The following SKI variants were observed in gnomAD, a reference collection of about 807,000 sequenced individuals.
The protein encoded by SKI is SKI proto-oncogene, also known as ski oncogene.
In SKI, 23 loss-of-function variants were observed where a neutral mutation model predicts 59.3. The ratio of observed to expected loss-of-function variants is 0.39; its 90% CI spans 0.28 to 0.55. The LOEUF (loss-of-function observed/expected upper bound fraction) is 0.55. Among genes scored for constraint, SKI ranks in the 20% least tolerant of loss-of-function variants. The pLI, the probability that SKI is intolerant of heterozygous loss-of-function variation, is 0.67. For missense variants in SKI, 1,017 were observed against 1,038.9 expected (o/e 0.98, Z 0.29); for synonymous variants, 673 against 488.6 (o/e 1.38, Z -4.98).
chr1:2,289,405 T>G (rs1417634580), intron 1 of SKI, among the ~76,000 whole-genome samples: 1 of 151,714 alleles, frequency 6.6e-6, no homozygotes, highest in East Asian at 1.9e-4. Context: ...GTGGCCACTT[T>G]GTGAGGCCCC....
chr1:2,251,856 C>G (rs1369153331), intron 1 of SKI, among the ~76,000 whole-genome samples: 1 of 152,238 alleles, frequency 6.6e-6, no homozygotes, highest in Non-Finnish European at 1.5e-5. Flanking sequence ...CCTGCAGCTT[C>G]TCCCCTTCTT....
At chr1:2,281,025 T>C (rs1392739656) in intron 1 of SKI, among the ~76,000 whole-genome samples, 1 of 39,344 alleles carries the variant, frequency 2.5e-5, no homozygotes, top group African/African-American at 1.0e-4. Flanking sequence ...GCGGCGGCGA[T>C]CTTCAGAGAG....
intron 1 of SKI, among the ~76,000 whole-genome samples, chr1:2,245,516 A>G (rs1638972969): frequency 6.6e-6 from 1 of 152,192 alleles, no homozygotes; most frequent in Admixed American, 6.5e-5. Flanking sequence ...TCTGTTGCCC[A>G]GGCTGGAGTG....
In SKI at chr1:2,228,502, G is replaced by GGGC. The variant is rs1162695592; in HGVS notation, c.-256_-254dup. 3.5e-5 allele frequency among the ~76,000 whole-genome samples: 5 copies of GGGC among 143,134 alleles called. No individual in the cohort carries two copies. The highest frequency in any genetic ancestry group is 7.5e-5 in the African/African-American group (3 of 39,976). 93.9% of individuals were successfully genotyped at this position (143,134 alleles called of 152,430 possible). Reference sequence around the variant, plus strand: ...CGCGCGGGGGACGCGCGGGGGGCCCGGGCGGCGGCGGGCGCGGCGCGGGGC... The same window carrying GGGC: ...CGCGCGGGGGACGCGCGGGGGGCCCGGGCGGCGGCGGCGGGCGCGGCGCGGGGC... On this transcript the variant is annotated 5_prime_UTR_variant, in exon 1 of 7. Transcript: ENST00000378536.
intron 1 of SKI, among the ~76,000 whole-genome samples, chr1:2,255,238 C>A (rs560733813): frequency 3.7e-4 from 56 of 152,220 alleles, no homozygotes; most frequent in African/African-American, 1.3e-3. Flanking sequence ...CTGAGTGACC[C>A]CCACGTACCT....
Position 2,303,935 on chromosome 1 carries a change from C to T in SKI, c.1307C>T (p.Ala436Val), listed in dbSNP as rs747798055. ...QQKVVSSPPC[A>V]AAVSRAPEPL... Reference sequence around the variant, plus strand: ...AAGGTTGTGAGCAGCCCTCCGTGTGCCGCCGCCGTCTCCCGGGCCCCCGAG... The same window carrying T: ...AAGGTTGTGAGCAGCCCTCCGTGTGTCGCCGCCGTCTCCCGGGCCCCCGAG... Residue 436 changes from alanine to valine, a missense_variant, in exon 4 of 7, where the codon GCC becomes GTC. Ala to Val is a moderately conservative substitution (Grantham distance 64). Coordinates refer to ENST00000378536, the MANE Select transcript of SKI (RefSeq NM_003036.4). This position sits in a 1 kb window ranked among gnomAD's most constrained non-coding sequence, Gnocchi z 5.6. 3.1e-6 allele frequency: 5 copies of T among 1,611,606 alleles called. No homozygotes were observed. Among genetic ancestry groups the T allele is most frequent in the African/African-American group, 1.3e-5 (1 of 74,920 alleles).
At chr1:2,288,090 G>C (rs1439094409) in intron 1 of SKI, among the ~76,000 whole-genome samples, 1 of 152,046 alleles carries the variant, frequency 6.6e-6, no homozygotes, top group East Asian at 1.9e-4. Context: ...CCGGGTTCAA[G>C]TGATTCTCCT....
intron 1 of SKI, among the ~76,000 whole-genome samples, chr1:2,272,795 C>A (rs1041296842): frequency 3.9e-5 from 6 of 152,206 alleles, no homozygotes; most frequent in Non-Finnish European, 7.3e-5. Context: ...TGTGCTGACC[C>A]TGGGACCGGT....
chr1:2,260,537 T>TTTTTTTTTTTTTA lies in SKI; in HGVS notation c.969+30814_969+30815insATTTTTTTTTTTT, dbSNP rs1157883608. ...CAATTTTTCAGTTTGTTCTTTTTCT[T>TTTTTTTTTTTTTA]TTTTTTTTTTTTTTTTTTTTTGAGA... On this transcript the variant is annotated intron_variant, in intron 1 of 6. Transcript: ENST00000378536. Among the ~76,000 whole-genome samples the TTTTTTTTTTTTTA allele has an allele frequency of 5.2e-4, 53 of 102,676 alleles. 2 individuals are homozygous for TTTTTTTTTTTTTA. The highest frequency in any genetic ancestry group is 9.4e-4 in the Non-Finnish European group (48 of 50,804). 67.4% of individuals were successfully genotyped at this position (102,676 alleles called of 152,430 possible).
At chr1:2,298,426 C>T (rs372613754) in intron 1 of SKI, among the ~76,000 whole-genome samples, 25 of 152,294 alleles carry the variant, frequency 1.6e-4, no homozygotes, top group African/African-American at 5.1e-4. Flanking sequence ...GTGTGGTCCC[C>T]GGCTCCTGGA....
chr1:2,243,479 A>T (rs938643869), intron 1 of SKI, among the ~76,000 whole-genome samples: 1 of 151,968 alleles, frequency 6.6e-6, no homozygotes, highest in African/African-American at 2.4e-5. Context: ...AGTGCCTGTC[A>T]CTCTGGCTGA....
At chr1:2,278,445 G>A (rs1247231894) in intron 1 of SKI, among the ~76,000 whole-genome samples, 2 of 152,312 alleles carry the variant, frequency 1.3e-5, no homozygotes, top group African/African-American at 4.8e-5. Flanking sequence ...ATCTACCCAG[G>A]TCCCTTGGGT....
chr1:2,231,903 T>TAAAG (rs1638647811), intron 1 of SKI, among the ~76,000 whole-genome samples: 1 of 152,242 alleles, frequency 6.6e-6, no homozygotes, highest in Non-Finnish European at 1.5e-5. Flanking sequence ...GCCTGCCCTT[T>TAAAG]AGGCTCTGTG....
intron 1 of SKI, among the ~76,000 whole-genome samples, chr1:2,272,128 C>G (rs919102886): frequency 6.6e-6 from 1 of 152,198 alleles, no homozygotes; most frequent in Non-Finnish European, 1.5e-5. Context: ...GTCACTGCCC[C>G]GATTTTTATT....
Position 2,271,072 on chromosome 1 carries a change from C to T in SKI, c.970-31906C>T, listed in dbSNP as rs536116579. Among the ~76,000 whole-genome samples, 11 of 152,254 alleles carry T rather than the reference C, an allele frequency of 7.2e-5. No individual in the cohort carries two copies. The South Asian group carries it at 1.2e-3, about 17-fold the overall frequency. ...ACGGTCTGTGGGGGTTGGAGGGATG[C>T]GCGACTTGGGCCCACCCCAGAACTT... On this transcript the variant is annotated intron_variant, in intron 1 of 6. Coordinates refer to ENST00000378536, the MANE Select transcript of SKI (RefSeq NM_003036.4).
At chr1:2,257,597 AGAG>A (rs1197908676) in intron 1 of SKI, among the ~76,000 whole-genome samples, 2 of 152,250 alleles carry the variant, frequency 1.3e-5, no homozygotes, top group South Asian at 2.1e-4. Context: ...GCGATTTTTG[AGAG>A]GAGAATGGGG....
chr1:2,303,118 G>T lies in SKI; in HGVS notation c.1095+15G>T. On this transcript the variant is annotated intron_variant, in intron 2 of 6. Coordinates refer to ENST00000378536, the MANE Select transcript of SKI (RefSeq NM_003036.4). This position sits in a 1 kb window ranked among gnomAD's most constrained non-coding sequence, Gnocchi z 5.6. ...CTTCCAATAAGGTGCTGTGGGGCCT[G>T]TCGGGGTCCTTGGGGTGGTGGGTAC... 6.2e-7 allele frequency: 1 copy of T among 1,613,136 alleles called. No individual in the cohort carries two copies. Among genetic ancestry groups the T allele is most frequent in the Non-Finnish European group, 8.5e-7 (1 of 1,180,020 alleles).
At chr1:2,256,506 G>C (rs1363985652) in intron 1 of SKI, among the ~76,000 whole-genome samples, 1 of 152,190 alleles carries the variant, frequency 6.6e-6, no homozygotes, top group African/African-American at 2.4e-5. Context: ...TGCCCGCCCT[G>C]GGTATTTCTG....
At position 2,274,517 on chromosome 1, in the gene SKI, C is replaced by T. The variant is rs77953859; in HGVS notation, c.970-28461C>T. The stretch of plus-strand genomic sequence containing the variant: ...CCTGGTCGTGGCCGCGTGTGCTCTG[C>T]TGTGTGGGTGGTCAGTCCTCCCCAG... On this transcript the variant is annotated intron_variant, in intron 1 of 6. Transcript: ENST00000378536. 9.1e-3 allele frequency among the ~76,000 whole-genome samples: 1,383 copies of T among 152,330 alleles called. 27 individuals carry two copies. Among genetic ancestry groups the T allele is most frequent in the African/African-American group, 0.031 (1,298 of 41,572 alleles).
Sources: gnomAD v4.1 joint callset for allele counts (sites outside exome capture counted in the v4.1 genomes callset) on GRCh38, gnomAD v4.1.1 for gene constraint, Gnocchi (gnomAD v3.1) non-coding constraint, MANE v1.5 for transcripts, NCBI Gene and HGNC (gene_info 2026-07-23, HGNC 2026-07-21) for gene names.